SIPA1L1: variants seen among roughly 807,000 people sequenced by gnomAD.
The protein encoded by SIPA1L1 is signal induced proliferation associated 1 like 1.
SIPA1L1 carries 26 observed loss-of-function variants against 162.7 expected under a neutral mutation model. The observed-to-expected ratio is 0.16, with a 90% CI of 0.12 to 0.22. The LOEUF is 0.22. Ranked by LOEUF, SIPA1L1 falls within the 10% of genes least tolerant of loss-of-function variation. The pLI, the probability that SIPA1L1 is intolerant of heterozygous loss-of-function variation, is 1.00. For missense variants in SIPA1L1, 1,874 were observed against 2,241.0 expected (o/e 0.84, Z 3.31); for synonymous variants, 829 against 837.4 (o/e 0.99, Z 0.17).
intron 4 of SIPA1L1, among the ~76,000 whole-genome samples, chr14:71,564,787 C>T (rs1202524826): frequency 6.6e-6 from 1 of 152,174 alleles, no homozygotes; most frequent in Non-Finnish European, 1.5e-5. Context: ...CCACGCCCGG[C>T]CATCCTTGGC....
intron 2 of SIPA1L1, among the ~76,000 whole-genome samples, chr14:71,492,642 G>A (rs970272589): frequency 5.3e-5 from 8 of 152,052 alleles, no homozygotes; most frequent in Non-Finnish European, 1.2e-4. Flanking sequence ...AGTGAAAGCC[G>A]CTCTTATTTT....
chr14:71,337,162 C>T (rs549412684), intron 2 of SIPA1L1, among the ~76,000 whole-genome samples: 5 of 152,326 alleles, frequency 3.3e-5, no homozygotes, highest in African/African-American at 7.2e-5. Context: ...TATTTGGTCT[C>T]TCCATTTTTG....
chr14:71,375,138 G>A (rs149708174), intron 2 of SIPA1L1, among the ~76,000 whole-genome samples: 230 of 152,188 alleles, frequency 1.5e-3, no homozygotes, highest in Non-Finnish European at 2.5e-3. Flanking sequence ...TCTCTTTCGG[G>A]GTTCTGTGTC....
intron 2 of SIPA1L1, among the ~76,000 whole-genome samples, chr14:71,328,289 C>G (rs184146918): frequency 6.6e-6 from 1 of 152,244 alleles, no homozygotes; most frequent in Non-Finnish European, 1.5e-5. Flanking sequence ...AGGCCATTTT[C>G]AAGGTGGTGG....
At chr14:71,443,755 T>C (rs909068368) in intron 2 of SIPA1L1, among the ~76,000 whole-genome samples, 1 of 152,222 alleles carries the variant, frequency 6.6e-6, no homozygotes, top group Non-Finnish European at 1.5e-5. Flanking sequence ...CATACACATA[T>C]ATCTGCAACC....
At chr14:71,342,659 T>A (rs2140440545) in intron 2 of SIPA1L1, among the ~76,000 whole-genome samples, 1 of 152,352 alleles carries the variant, frequency 6.6e-6, no homozygotes, top group South Asian at 2.1e-4. Flanking sequence ...GTACTTTTTT[T>A]ATACCTGAAC....
chr14:71,559,186 G>A (rs1239402478), intron 4 of SIPA1L1, among the ~76,000 whole-genome samples: 1 of 151,376 alleles, frequency 6.6e-6, no homozygotes, highest in East Asian at 1.9e-4. Flanking sequence ...TACTACCTCA[G>A]CCTCCCGAGT....
intron 5 of SIPA1L1, among the ~76,000 whole-genome samples, chr14:71,600,015 C>T (rs141781261): frequency 1.9e-4 from 29 of 151,894 alleles, no homozygotes; most frequent in African/African-American, 6.8e-4. Context: ...GATATTAGTC[C>T]CTTGTCAGAT....
At chr14:71,683,688 A>C (rs2046012502) in intron 12 of SIPA1L1, among the ~76,000 whole-genome samples, 1 of 152,202 alleles carries the variant, frequency 6.6e-6, no homozygotes, top group South Asian at 2.1e-4. Context: ...TCAGAGCCTA[A>C]AGTAGTATTC....
At chr14:71,387,730 A>G (rs2040451449) in intron 2 of SIPA1L1, among the ~76,000 whole-genome samples, 1 of 152,236 alleles carries the variant, frequency 6.6e-6, no homozygotes, top group Admixed American at 6.5e-5. Context: ...TCTGTTCTAC[A>G]CGTGGAGAAT....
intron 2 of SIPA1L1, among the ~76,000 whole-genome samples, chr14:71,397,998 CAAA>C (rs560603855): frequency 8.6e-6 from 1 of 116,362 alleles, no homozygotes; most frequent in African/African-American, 3.3e-5. Context: ...ATTAAATAAC[CAAA>C]AAAAAAAATT....
chr14:71,526,125 A>G (rs2052846072), intron 3 of SIPA1L1, among the ~76,000 whole-genome samples: 1 of 152,250 alleles, frequency 6.6e-6, no homozygotes, highest in Non-Finnish European at 1.5e-5. Flanking sequence ...TGGGTATAGC[A>G]TGCTATGAGA....
intron 3 of SIPA1L1, among the ~76,000 whole-genome samples, chr14:71,522,468 T>C (rs776906330): frequency 2.0e-5 from 3 of 152,156 alleles, no homozygotes; most frequent in Non-Finnish European, 2.9e-5. Context: ...TTTTCAGATT[T>C]TGGAATATTT....
Position 71,709,647 on chromosome 14 carries a change from T to C in SIPA1L1, c.4191T>C (p.Asp1397=), listed in dbSNP as rs769407811. The stretch of plus-strand genomic sequence containing the variant: ...AGAACAGCACCTTCAGTATAAACGA[T>C]GCTGCTTCCCACACAAGGTAACCAC... ...TRENSTFSIN[D]AASHTSTMSS... is the part of the protein sequence containing the mutation. Residue 1397 remains aspartate, a synonymous_variant, in exon 17 of 24, where the codon GAT becomes GAC. Transcript: ENST00000381232. 7 of 1,612,530 alleles carry C rather than the reference T, an allele frequency of 4.3e-6. No homozygotes were observed. The highest frequency in any genetic ancestry group is 1.7e-4 in the Middle Eastern group (1 of 6,054).
At chr14:71,463,914 T>C (rs192413888) in intron 2 of SIPA1L1, among the ~76,000 whole-genome samples, 13 of 152,344 alleles carry the variant, frequency 8.5e-5, no homozygotes, top group African/African-American at 2.6e-4. Context: ...TTGTGGTAGC[T>C]ATGCCCACTT....
intron 5 of SIPA1L1, among the ~76,000 whole-genome samples, chr14:71,592,733 A>G (rs1202102475): frequency 1.3e-5 from 2 of 152,208 alleles, no homozygotes; most frequent in African/African-American, 4.8e-5. Context: ...TCACTTTATT[A>G]TTATGTTGTT....
chr14:71,384,395 G>T (rs1444275985), intron 2 of SIPA1L1, among the ~76,000 whole-genome samples: 1 of 152,200 alleles, frequency 6.6e-6, no homozygotes, highest in African/African-American at 2.4e-5. Context: ...CCTAACATTT[G>T]AGTTGGCAGA....
At chr14:71,443,186 A>G (rs2045052425) in intron 2 of SIPA1L1, among the ~76,000 whole-genome samples, 1 of 152,148 alleles carries the variant, frequency 6.6e-6, no homozygotes, top group Admixed American at 6.6e-5. Flanking sequence ...AAGAAATCTC[A>G]GTGTTACTCT....
intron 17 of SIPA1L1, among the ~76,000 whole-genome samples, chr14:71,721,339 C>G (rs2083710858): frequency 6.6e-6 from 1 of 152,170 alleles, no homozygotes; most frequent in African/African-American, 2.4e-5. Context: ...GAAGGTGATT[C>G]AAGCACTCCC....
Sources: allele counts gnomAD v4.1 joint callset (sites outside exome capture counted in the v4.1 genomes callset), GRCh38; gene constraint gnomAD v4.1.1; transcripts MANE v1.5; gene names NCBI Gene and HGNC (gene_info 2026-07-23, HGNC 2026-07-21).